DCC: variants seen among roughly 807,000 people sequenced by gnomAD.
DCC encodes netrin receptor DCC.
In DCC, 58 loss-of-function variants were observed where a neutral mutation model predicts 172.5. That is an observed-to-expected ratio of 0.34 (90% CI 0.27 to 0.42). DCC has a LOEUF of 0.42. Ranked by LOEUF, DCC falls within the 10% of genes least tolerant of loss-of-function variation. The pLI is 1.00. For missense variants in DCC, 1,740 were observed against 1,791.0 expected (o/e 0.97, Z 0.51); for synonymous variants, 709 against 644.5 (o/e 1.10, Z -1.52).
intron 1 of DCC, among the ~76,000 whole-genome samples, chr18:52,492,305 G>A (rs533202515): frequency 5.3e-5 from 8 of 152,022 alleles, no homozygotes; most frequent in African/African-American, 1.9e-4. Flanking sequence ...GGAGATAGAT[G>A]TAGAATTAAA....
intron 9 of DCC, among the ~76,000 whole-genome samples, chr18:53,203,236 CGTGTGTGTGT>C (rs1223592248): frequency 8.5e-6 from 1 of 117,338 alleles, no homozygotes; most frequent in African/African-American, 3.5e-5. Context: ...TGTGTGTGTG[CGTGTGTGTGT>C]GTATGTAATT....
intron 1 of DCC, among the ~76,000 whole-genome samples, chr18:52,530,870 A>G (rs576704227): frequency 6.6e-6 from 1 of 152,340 alleles, no homozygotes; most frequent in East Asian, 1.9e-4. Context: ...AGCTTCCTGC[A>G]GCATCAGTCT....
intron 22 of DCC, among the ~76,000 whole-genome samples, chr18:53,437,669 T>C (rs769460661): frequency 3.1e-4 from 44 of 142,448 alleles, no homozygotes; most frequent in Middle Eastern, 7.5e-3. Context: ...CAGGCCATGC[T>C]CCATAAAATG....
chr18:52,958,312 AATCT>A (rs2040781644), intron 5 of DCC, among the ~76,000 whole-genome samples: 1 of 152,144 alleles, frequency 6.6e-6, no homozygotes, highest in Non-Finnish European at 1.5e-5. Context: ...TAGATTTAGA[AATCT>A]ATCCAAAAAT....
intron 18 of DCC, among the ~76,000 whole-genome samples, chr18:53,401,287 T>C (rs991090126): frequency 6.6e-6 from 1 of 150,586 alleles, no homozygotes; most frequent in African/African-American, 2.4e-5. Flanking sequence ...TTTCTTCTCC[T>C]TCATTCCCCC....
intron 2 of DCC, among the ~76,000 whole-genome samples, chr18:52,757,696 C>G (rs13381399): frequency 0.21 from 31,839 of 151,996 alleles, 4,752 homozygotes; most frequent in African/African-American, 0.42. Context: ...GTTAATTTTT[C>G]AGCATTTACA....
At chr18:53,050,207 A>G (rs886641131) in intron 5 of DCC, among the ~76,000 whole-genome samples, 1 of 151,972 alleles carries the variant, frequency 6.6e-6, no homozygotes, top group African/African-American at 2.4e-5. Context: ...GCCCACCCCC[A>G]TTGTGGATGG....
intron 1 of DCC, among the ~76,000 whole-genome samples, chr18:52,687,329 G>C (rs1016241281): frequency 3.4e-5 from 5 of 146,882 alleles, no homozygotes; most frequent in African/African-American, 1.3e-4. Context: ...TTGTCCCCCA[G>C]GCTGGAGTGT....
At chr18:52,507,433 T>C (rs1397174541) in intron 1 of DCC, among the ~76,000 whole-genome samples, 1 of 152,226 alleles carries the variant, frequency 6.6e-6, no homozygotes, top group Non-Finnish European at 1.5e-5. Flanking sequence ...ATTCTTAATA[T>C]GTAAATCATA....
chr18:52,980,022 C>T (rs748254536), intron 5 of DCC, among the ~76,000 whole-genome samples: 9 of 59,046 alleles, frequency 1.5e-4, no homozygotes, highest in Admixed American at 2.7e-4. Context: ...GACATAGGCA[C>T]GGCTTTCGTG....
chr18:52,751,780 A>C (rs2036998226), intron 1 of DCC, among the ~76,000 whole-genome samples: 1 of 152,112 alleles, frequency 6.6e-6, no homozygotes. Flanking sequence ...GTACTGACTG[A>C]TATGTGGTAA....
At chr18:52,811,900 C>T (rs186361225) in intron 2 of DCC, among the ~76,000 whole-genome samples, 70 of 152,148 alleles carry the variant, frequency 4.6e-4, no homozygotes, top group African/African-American at 1.5e-3. Flanking sequence ...AACAAAATTT[C>T]GGTTTATTCT....
At chr18:52,653,841 T>C (rs1204204988) in intron 1 of DCC, among the ~76,000 whole-genome samples, 2 of 152,212 alleles carry the variant, frequency 1.3e-5, no homozygotes, top group East Asian at 1.9e-4. Context: ...GCTTCACTTT[T>C]GTTGCCCAGT....
chr18:52,783,349 T>G lies in DCC; in HGVS notation c.412+30975T>G, dbSNP rs867474098. ...TTTTTTTTTTTTTTTTTTTTTTTTT[T>G]TTTTTTTTTTTTACAACACAAAGGT... On this transcript the variant is annotated intron_variant, in intron 2 of 28. Coordinates refer to ENST00000442544, the MANE Select transcript of DCC (RefSeq NM_005215.4). Among the ~76,000 whole-genome samples the G allele has an allele frequency of 1.0e-3, 113 of 111,998 alleles. 1 individual carries two copies. The highest frequency in any genetic ancestry group is 3.1e-3 in the African/African-American group (98 of 31,952). 73.5% of individuals were successfully genotyped at this position (111,998 alleles called of 152,430 possible).
intron 1 of DCC, among the ~76,000 whole-genome samples, chr18:52,710,861 T>C (rs34619229): frequency 0.45 from 68,693 of 151,984 alleles, 16,125 homozygotes; most frequent in Non-Finnish European, 0.53. Context: ...AATAACTTTA[T>C]TGTATTTCCA....
intron 1 of DCC, among the ~76,000 whole-genome samples, chr18:52,597,695 C>T (rs1462465365): frequency 6.6e-6 from 1 of 152,140 alleles, no homozygotes; most frequent in African/African-American, 2.4e-5. Context: ...CTGTGCAGCT[C>T]TCCTACAGGC....
intron 21 of DCC, among the ~76,000 whole-genome samples, chr18:53,430,495 A>G (rs1911545639): frequency 6.6e-6 from 1 of 152,166 alleles, no homozygotes; most frequent in Non-Finnish European, 1.5e-5. Flanking sequence ...CTGAAATCCC[A>G]ATTGAATTAA....
At chr18:53,470,310 C>A (rs2045679936) in intron 25 of DCC, among the ~76,000 whole-genome samples, 1 of 152,152 alleles carries the variant, frequency 6.6e-6, no homozygotes, top group Admixed American at 6.5e-5. Context: ...CCAATAATTT[C>A]CTCATCACCA....
intron 1 of DCC, among the ~76,000 whole-genome samples, chr18:52,706,945 T>C (rs1349961995): frequency 5.9e-5 from 9 of 151,994 alleles, no homozygotes; most frequent in Non-Finnish European, 1.3e-4. Flanking sequence ...AGCTGAAATA[T>C]AAAAGAGAGG....
Sources: gnomAD v4.1 joint callset for allele counts (sites outside exome capture counted in the v4.1 genomes callset) on GRCh38, gnomAD v4.1.1 for gene constraint, MANE v1.5 for transcripts, NCBI Gene and HGNC (gene_info 2026-07-23, HGNC 2026-07-21) for gene names.